DNER: variants seen among roughly 807,000 people sequenced by gnomAD.
DNER encodes delta and Notch-like epidermal growth factor-related receptor.
In DNER, 33 loss-of-function variants were observed where a neutral mutation model predicts 78.2. That is an observed-to-expected ratio of 0.42 (90% confidence interval 0.32 to 0.56). The LOEUF (loss-of-function observed/expected upper bound fraction) is 0.56, where lower values mean the gene tolerates loss of function less well. Among genes scored for constraint, DNER ranks in the 20% least tolerant of loss-of-function variants. DNER has a pLI of 0.11. For synonymous variants in DNER, 417 were observed against 384.8 expected (o/e 1.08, Z -0.98); for missense variants, 918 against 975.3 (o/e 0.94, Z 0.78).
rs549780731 is a variant in DNER at position 229,639,913 on chromosome 2, G to A, written c.277-48025C>T. Among the ~76,000 whole-genome samples, 4 of 152,298 alleles carry A rather than the reference G, an allele frequency of 2.6e-5. No homozygotes were observed. In the East Asian group the frequency reaches 5.8e-4, roughly 22 times the overall value. On this transcript the variant is annotated intron_variant, in intron 1 of 12. Coordinates refer to ENST00000341772, the MANE Select transcript of DNER (RefSeq NM_139072.4). ...ACTGATAAAATAACCCAGAATGCAA[G>A]CTCTGGCTTTGTCCTCCAAGGGACA... is the stretch of plus-strand genomic sequence containing the variant.
chr2:229,464,448 A>G (rs1694761968), intron 7 of DNER, among the ~76,000 whole-genome samples: 2 of 152,196 alleles, frequency 1.3e-5, no homozygotes, highest in Non-Finnish European at 2.9e-5. Flanking sequence ...ATGTTAAATC[A>G]ACTCTCCCTT....
intron 1 of DNER, among the ~76,000 whole-genome samples, chr2:229,655,289 G>A (rs546686079): frequency 1.3e-5 from 2 of 151,838 alleles, no homozygotes; most frequent in Non-Finnish European, 2.9e-5. Context: ...AAAAAATAAA[G>A]AAAGCAGAAG....
chr2:229,492,257 A>C (rs980271699), intron 6 of DNER, among the ~76,000 whole-genome samples: 2 of 152,194 alleles, frequency 1.3e-5, no homozygotes, highest in African/African-American at 4.8e-5. Context: ...GGTTAGGAGG[A>C]TCACACAAGG....
chr2:229,566,163 T>C (rs1697102616), intron 4 of DNER, among the ~76,000 whole-genome samples: 1 of 152,168 alleles, frequency 6.6e-6, no homozygotes, highest in Admixed American at 6.5e-5. Context: ...AATCAGGTCT[T>C]CAGATGAGCT....
At chr2:229,468,626 G>T (rs763308863) in intron 7 of DNER, among the ~76,000 whole-genome samples, 1 of 152,108 alleles carries the variant, frequency 6.6e-6, no homozygotes, top group Non-Finnish European at 1.5e-5. Context: ...TAAAAACTCT[G>T]ATCCCCGAAA....
chr2:229,644,297 C>T (rs1698674873), intron 1 of DNER, among the ~76,000 whole-genome samples: 1 of 151,316 alleles, frequency 6.6e-6, no homozygotes, highest in African/African-American at 2.4e-5. Context: ...GCTTAAATAC[C>T]CTCCATCCAT....
intron 10 of DNER, among the ~76,000 whole-genome samples, chr2:229,404,324 A>G (rs1472873966): frequency 1.3e-5 from 2 of 152,196 alleles, no homozygotes; most frequent in Non-Finnish European, 2.9e-5. Flanking sequence ...GAAAACTTAC[A>G]ATCATGGCAG....
At chr2:229,556,871 C>T (rs1182339936) in intron 4 of DNER, among the ~76,000 whole-genome samples, 5 of 152,328 alleles carry the variant, frequency 3.3e-5, no homozygotes, top group South Asian at 2.1e-4. Context: ...ATGTTATTTG[C>T]AGCAATGTGC....
intron 1 of DNER, among the ~76,000 whole-genome samples, chr2:229,629,995 G>A (rs1161878094): frequency 6.6e-6 from 1 of 152,182 alleles, no homozygotes; most frequent in Admixed American, 6.5e-5. Context: ...GCCTCTTTTA[G>A]CAATCTCATC....
intron 6 of DNER, among the ~76,000 whole-genome samples, chr2:229,481,497 C>T (rs1022868147): frequency 2.0e-5 from 3 of 152,050 alleles, no homozygotes; most frequent in Non-Finnish European, 4.4e-5. Context: ...AGGTGTTGGG[C>T]AAATCACTGG....
At chr2:229,538,390 G>A (rs1186718786) in intron 5 of DNER, among the ~76,000 whole-genome samples, 1 of 152,152 alleles carries the variant, frequency 6.6e-6, no homozygotes, top group African/African-American at 2.4e-5. Flanking sequence ...TTGACACAGA[G>A]TTTTGTTCTT....
At chr2:229,498,036 C>A (rs1011642800) in intron 6 of DNER, among the ~76,000 whole-genome samples, 1 of 151,980 alleles carries the variant, frequency 6.6e-6, no homozygotes, top group Non-Finnish European at 1.5e-5. Context: ...CAAAAAAACA[C>A]TAGCAAACTG....
intron 4 of DNER, among the ~76,000 whole-genome samples, chr2:229,563,593 T>A (rs1396628281): frequency 1.0e-4 from 14 of 137,336 alleles, no homozygotes; most frequent in African/African-American, 4.1e-4. Context: ...ATCATTAACA[T>A]CATCACCCCA....
At chr2:229,666,422 G>A (rs1472882113) in intron 1 of DNER, among the ~76,000 whole-genome samples, 1 of 152,196 alleles carries the variant, frequency 6.6e-6, no homozygotes, top group Non-Finnish European at 1.5e-5. Flanking sequence ...AATAATAAAG[G>A]TGAGGAAGAA....
At chr2:229,692,086 A>G (rs1031449434) in intron 1 of DNER, among the ~76,000 whole-genome samples, 1 of 152,198 alleles carries the variant, frequency 6.6e-6, no homozygotes, top group Admixed American at 6.5e-5. Context: ...GCTCCCAGAC[A>G]CTGCTGTGCC....
At chr2:229,377,455 T>C (rs535592822) in intron 11 of DNER, among the ~76,000 whole-genome samples, 91 of 152,358 alleles carry the variant, frequency 6.0e-4, no homozygotes, top group African/African-American at 2.2e-3. Flanking sequence ...CATATTTTCC[T>C]TTTATTATAA....
At chr2:229,605,305 C>T (rs977741979) in intron 1 of DNER, among the ~76,000 whole-genome samples, 2 of 152,062 alleles carry the variant, frequency 1.3e-5, no homozygotes, top group Non-Finnish European at 2.9e-5. Flanking sequence ...AGAAACCCAC[C>T]ACCACCTTAA....
intron 4 of DNER, among the ~76,000 whole-genome samples, chr2:229,562,935 T>C (rs1328564045): frequency 2.6e-5 from 4 of 151,536 alleles, no homozygotes; most frequent in Non-Finnish European, 5.9e-5. Context: ...ATCACCATCA[T>C]CATCAACATC....
At chr2:229,444,039 G>T (rs557166621) in intron 8 of DNER, among the ~76,000 whole-genome samples, 2 of 152,204 alleles carry the variant, frequency 1.3e-5, no homozygotes, top group South Asian at 4.2e-4. Flanking sequence ...ACAAATGAAG[G>T]GATCATGTTC....
Sources: allele counts gnomAD v4.1 joint callset (sites outside exome capture counted in the v4.1 genomes callset), GRCh38; gene constraint gnomAD v4.1.1; transcripts MANE v1.5; gene names NCBI Gene and HGNC (gene_info 2026-07-23, HGNC 2026-07-21).